The following NR3C2 variants were observed in gnomAD, a reference collection of about 807,000 sequenced individuals.
NR3C2 encodes mineralocorticoid receptor.
In NR3C2, 15 loss-of-function variants were observed where a neutral mutation model predicts 86.4. The ratio of observed to expected loss-of-function variants is 0.17; its 90% CI spans 0.12 to 0.27. The LOEUF (loss-of-function observed/expected upper bound fraction) is 0.27. Among genes scored for constraint, NR3C2 ranks in the 10% least tolerant of loss-of-function variants. NR3C2 has a pLI of 1.00. For missense variants in NR3C2, 960 were observed against 1,195.6 expected (o/e 0.80, Z 2.91); for synonymous variants, 458 against 450.5 (o/e 1.02, Z -0.21).
intron 4 of NR3C2, among the ~76,000 whole-genome samples, chr4:148,163,294 A>G (rs551331566): frequency 1.1e-3 from 174 of 152,340 alleles, no homozygotes; most frequent in Middle Eastern, 3.4e-3. Flanking sequence ...GAAGAAAGTG[A>G]TGAAATGAGT....
At chr4:148,154,322 C>T (rs1395806919) in intron 5 of NR3C2, among the ~76,000 whole-genome samples, 1 of 152,200 alleles carries the variant, frequency 6.6e-6, no homozygotes, top group Non-Finnish European at 1.5e-5. Context: ...CTGCGCCCAG[C>T]CGTATCTGTC....
intron 2 of NR3C2, among the ~76,000 whole-genome samples, chr4:148,431,112 T>C (rs1357246666): frequency 6.6e-6 from 1 of 152,136 alleles, no homozygotes; most frequent in East Asian, 1.9e-4. Flanking sequence ...CCATGAGGAA[T>C]TGTATAAATA....
intron 2 of NR3C2, among the ~76,000 whole-genome samples, chr4:148,398,752 T>C (rs566404530): frequency 6.6e-6 from 1 of 152,340 alleles, no homozygotes; most frequent in East Asian, 1.9e-4. Flanking sequence ...CTCATGGAGC[T>C]TACATTCTAG....
intron 3 of NR3C2, among the ~76,000 whole-genome samples, chr4:148,210,479 T>C (rs975152144): frequency 6.6e-6 from 1 of 152,108 alleles, no homozygotes; most frequent in African/African-American, 2.4e-5. Flanking sequence ...GCAGGAGCCA[T>C]TGCACCCAGC....
chr4:148,433,581 T>A (rs1353511197), intron 2 of NR3C2, among the ~76,000 whole-genome samples: 1 of 152,188 alleles, frequency 6.6e-6, no homozygotes, highest in East Asian at 1.9e-4. Flanking sequence ...ATAAATTATC[T>A]CATTTAAATT....
At chr4:148,398,910 T>C (rs1324442408) in intron 2 of NR3C2, among the ~76,000 whole-genome samples, 1 of 151,936 alleles carries the variant, frequency 6.6e-6, no homozygotes, top group South Asian at 2.1e-4. Flanking sequence ...GTTCAGAGAG[T>C]GTGTTTGGGG....
chr4:148,094,519 G>C (rs1731192451), intron 8 of NR3C2, among the ~76,000 whole-genome samples: 1 of 152,112 alleles, frequency 6.6e-6, no homozygotes, highest in African/African-American at 2.4e-5. Flanking sequence ...TTTGAGACCA[G>C]CCTGGCCAAC....
In NR3C2 at chr4:148,132,149, C is replaced by T. The variant is rs184786199; in HGVS notation, c.2511-11861G>A. 1.4e-3 allele frequency among the ~76,000 whole-genome samples: 215 copies of T among 152,262 alleles called. 1 individual carries two copies. Among genetic ancestry groups the T allele is most frequent in the Admixed American group, 3.9e-3 (59 of 15,298 alleles). On this transcript the variant is annotated intron_variant, in intron 6 of 8. Coordinates refer to ENST00000358102, the MANE Select transcript of NR3C2 (RefSeq NM_000901.5). ...AGGAGAGAAAACATGTAGCCATAAT[C>T]CACTGTAAAATTCAGATTTCGAACA...
chr4:148,141,306 C>A (rs1437278827), intron 6 of NR3C2, among the ~76,000 whole-genome samples: 2 of 151,940 alleles, frequency 1.3e-5, no homozygotes, highest in Admixed American at 6.6e-5. Context: ...TGGTGGCAGG[C>A]GTCTGTAGTC....
chr4:148,198,526 A>G (rs1344897982), intron 3 of NR3C2, among the ~76,000 whole-genome samples: 1 of 152,146 alleles, frequency 6.6e-6, no homozygotes, highest in African/African-American at 2.4e-5. Flanking sequence ...CTGGGTCTCA[A>G]TCCTACCTGA....
chr4:148,133,792 CA>C (rs1316467567), intron 6 of NR3C2, among the ~76,000 whole-genome samples: 1 of 152,160 alleles, frequency 6.6e-6, no homozygotes, highest in East Asian at 1.9e-4. Context: ...CTCACATGGG[CA>C]GATGTGATTT....
intron 8 of NR3C2, among the ~76,000 whole-genome samples, chr4:148,095,500 C>T (rs141492900): frequency 1.8e-3 from 274 of 152,334 alleles, no homozygotes; most frequent in African/African-American, 6.1e-3. Flanking sequence ...CTGGCAGGCT[C>T]TCTGAGTGGG....
chr4:148,182,393 A>C (rs531681950), intron 4 of NR3C2, among the ~76,000 whole-genome samples: 6 of 152,370 alleles, frequency 3.9e-5, no homozygotes, highest in African/African-American at 1.4e-4. Context: ...AATAAAAGTT[A>C]ATTATTTAAT....
intron 2 of NR3C2, among the ~76,000 whole-genome samples, chr4:148,316,564 G>A (rs1477388458): frequency 1.3e-5 from 2 of 152,132 alleles, no homozygotes; most frequent in African/African-American, 4.8e-5. Context: ...TGAGAAATAA[G>A]AATAGGTATA....
chr4:148,273,468 C>T (rs1740795070), intron 2 of NR3C2, among the ~76,000 whole-genome samples: 1 of 152,016 alleles, frequency 6.6e-6, no homozygotes, highest in Non-Finnish European at 1.5e-5. Context: ...ATTATGGTCG[C>T]TAAATTTTTT....
At chr4:148,158,662 C>CT (rs1041361169) in intron 4 of NR3C2, among the ~76,000 whole-genome samples, 4 of 152,168 alleles carry the variant, frequency 2.6e-5, no homozygotes, top group African/African-American at 9.6e-5. Context: ...TTAAAAGTGA[C>CT]TTTTTTTGCA....
intron 3 of NR3C2, among the ~76,000 whole-genome samples, chr4:148,241,337 G>A (rs67086242): frequency 0.99 from 99,415 of 100,662 alleles, 49,087 homozygotes; most frequent in Middle Eastern, 1. Context: ...AAAAAAAGGG[G>A]AAAAATAAAA....
chr4:148,118,726 C>A (rs1732380129), intron 7 of NR3C2, among the ~76,000 whole-genome samples: 1 of 152,160 alleles, frequency 6.6e-6, no homozygotes, highest in Non-Finnish European at 1.5e-5. Context: ...CTGATGTTAA[C>A]ATATTCCTAT....
At chr4:148,177,299 A>G (rs1357909073) in intron 4 of NR3C2, among the ~76,000 whole-genome samples, 1 of 152,236 alleles carries the variant, frequency 6.6e-6, no homozygotes, top group Non-Finnish European at 1.5e-5. Context: ...TTTAAGGTAT[A>G]TTATCTGTCC....
Sources: allele counts gnomAD v4.1 joint callset (sites outside exome capture counted in the v4.1 genomes callset), GRCh38; gene constraint gnomAD v4.1.1; transcripts MANE v1.5; gene names NCBI Gene and HGNC (gene_info 2026-07-23, HGNC 2026-07-21).